Variants in DIS3L2 observed in about 807,000 individuals in gnomAD.
DIS3L2 encodes the protein DIS3-like exonuclease 2.
Under a neutral mutation model 97.5 loss-of-function variants are expected in DIS3L2, and 34 were observed. That is an observed-to-expected ratio of 0.35 (90% CI 0.27 to 0.46). The LOEUF (loss-of-function observed/expected upper bound fraction) is 0.46, where lower values mean the gene tolerates loss of function less well. Among genes scored for constraint, DIS3L2 ranks in the 20% least tolerant of loss-of-function variants. DIS3L2 has a pLI of 1.00. For missense variants in DIS3L2, 1,038 were observed against 1,146.0 expected (o/e 0.91, Z 1.36); for synonymous variants, 435 against 445.2 (o/e 0.98, Z 0.29).
At chr2:231,978,560 T>G (rs933779596) in intron 1 of DIS3L2, 2 of 152,246 alleles carry the variant, frequency 1.3e-5, no homozygotes, top group Non-Finnish European at 2.9e-5. Flanking sequence ...TTTATATGTT[T>G]CGGTCTTGTG....
At chr2:232,136,343 A>G in intron 7 of DIS3L2, 129 bp from the exon 8 acceptor site, 1 of 1,117,680 alleles carries the variant, frequency 8.9e-7, no homozygotes. Context: ...CATCACTGAG[A>G]GGCACTTATT....
intron 6 of DIS3L2, among the ~76,000 whole-genome samples, chr2:232,109,183 T>C (rs539059650): frequency 1.2e-4 from 18 of 152,176 alleles, no homozygotes; most frequent in Admixed American, 4.6e-4. Flanking sequence ...CGGTGGCTCA[T>C]GCCTGTAATC....
In DIS3L2 at chr2:232,329,789, TCCCATCCCA is replaced by T; in HGVS notation, c.1740-19_1740-11del. 2 of 368,588 alleles carry T rather than the reference TCCCATCCCA, an allele frequency of 5.4e-6. No homozygotes were observed. The highest frequency in any genetic ancestry group is 5.1e-6 in the Non-Finnish European group (1 of 196,966). 22.8% of individuals were successfully genotyped at this position (368,588 alleles called of 1,614,324 possible). A position where few individuals can be genotyped will look rare whatever the true frequency, so the allele number is the denominator to read the frequency against. ...CCTGTCCCCAAACCCCAGCGGTCCC[TCCCATCCCA>T]CCCACCCTCTGCAGGCTCGTGGAGG... On this transcript the variant is annotated splice_polypyrimidine_tract_variant and intron_variant, in intron 14 of 20. Coordinates refer to ENST00000325385, the MANE Select transcript of DIS3L2 (RefSeq NM_152383.5).
At chr2:232,326,358 G>A (rs3856545) in intron 14 of DIS3L2, among the ~76,000 whole-genome samples, 16,812 of 151,620 alleles carry the variant, frequency 0.11, 1,326 homozygotes, top group African/African-American at 0.23. Flanking sequence ...TTGCAATGGC[G>A]AATACTGAAC....
chr2:232,263,548 C>G (rs1693778718), intron 13 of DIS3L2, 108 bp downstream of exon 13: 3 of 1,049,976 alleles, frequency 2.9e-6, no homozygotes, highest in Non-Finnish European at 4.2e-6. Context: ...TCTCTTTGCT[C>G]CAGGCACCAC....
intron 6 of DIS3L2, among the ~76,000 whole-genome samples, chr2:232,108,760 A>G (rs376241629): frequency 1.3e-5 from 2 of 152,224 alleles, no homozygotes; most frequent in African/African-American, 2.4e-5. Flanking sequence ...CTTTACACCA[A>G]CAACAGGCAA....
intron 13 of DIS3L2, among the ~76,000 whole-genome samples, chr2:232,342,230 TATACAC>T (rs1378295466): frequency 4.8e-5 from 7 of 147,058 alleles, no homozygotes; most frequent in African/African-American, 1.3e-4. Flanking sequence ...CACATACATA[TATACAC>T]ATACACATAT....
chr2:231,984,219 C>T (rs191258299), intron 1 of DIS3L2, among the ~76,000 whole-genome samples: 1 of 151,854 alleles, frequency 6.6e-6, no homozygotes, highest in East Asian at 1.9e-4. Flanking sequence ...GGTGCTTTAT[C>T]ATTATTCATA....
chr2:231,982,087 T>C lies in DIS3L2; in HGVS notation c.-94+20322T>C, dbSNP rs112173128. ...TGGTGATAAATTTTGTCATATTCTT[T>C]TTTGGACATTTGTTAAGTTCACCTC... On this transcript the variant is annotated intron_variant, in intron 1 of 20. Transcript: ENST00000325385. Among the ~76,000 whole-genome samples the C allele has an allele frequency of 8.1e-4, 124 of 152,208 alleles. 1 individual carries two copies. The highest frequency in any genetic ancestry group is 1.5e-3 in the Non-Finnish European group (99 of 68,010).
intron 5 of DIS3L2, among the ~76,000 whole-genome samples, chr2:232,059,338 G>T (rs1695638234): frequency 6.6e-6 from 1 of 152,136 alleles, no homozygotes; most frequent in East Asian, 1.9e-4. Flanking sequence ...TTAGAAAATT[G>T]TTGGTTTTAA....
chr2:232,292,275 G>A lies in DIS3L2; in HGVS notation c.1660-7765G>A, dbSNP rs1694624202. Among the ~76,000 whole-genome samples the A allele has an allele frequency of 6.6e-6, 1 of 152,140 alleles. No homozygotes were observed. The highest frequency in any genetic ancestry group is 2.1e-4 in the South Asian group (1 of 4,826). On this transcript the variant is annotated intron_variant, in intron 13 of 20. Transcript: ENST00000325385. This position sits in a 1 kb window ranked among gnomAD's most constrained non-coding sequence, Gnocchi z 4.4. ...CCTAGGACATTGTTTCTGCCCCTAAGTTCTCCCTAAAGTGCCATCCCCAAG... is the reference window on the plus strand; with the variant it reads ...CCTAGGACATTGTTTCTGCCCCTAAATTCTCCCTAAAGTGCCATCCCCAAG...
chr2:232,163,527 A>G lies in DIS3L2; in HGVS notation c.1019A>G (p.Tyr340Cys), dbSNP rs200027186. ...GAAACAGAAGGAATACTAACAGAGT[A>G]TGGCGTGGATTTCTCTGATTTCTCT... is the stretch of plus-strand genomic sequence containing the variant. ...EPETEGILTE[Y>C]GVDFSDFSSE... Residue 340 changes from tyrosine (Y) to cysteine (C), a missense_variant, in exon 9 of 21, where the codon TAT (tyrosine) becomes TGT (cysteine). This residue lies in a region of DIS3L2 where 813 missense variants were observed against 880.1 expected (regional missense o/e 0.92). Transcript: ENST00000325385. The G allele has an allele frequency of 3.6e-4, 574 of 1,614,206 alleles. No homozygotes were observed. Among genetic ancestry groups the G allele is most frequent in the Non-Finnish European group, 4.4e-4 (522 of 1,180,026 alleles).
At chr2:232,334,088 C>T (rs1446485882) in intron 17 of DIS3L2, 101 bp downstream of exon 17, 7 of 1,489,716 alleles carry the variant, frequency 4.7e-6, no homozygotes, top group East Asian at 4.7e-5. Context: ...GCCGTGACAG[C>T]GGAGGTCCAA....
intron 13 of DIS3L2, among the ~76,000 whole-genome samples, chr2:232,289,069 G>C (rs757193003): frequency 2.6e-5 from 4 of 152,062 alleles, no homozygotes; most frequent in Admixed American, 6.6e-5. Context: ...TTGGTGGCGT[G>C]GGGGAGGGAG....
At chr2:232,227,871 A>C (rs1404049378) in intron 10 of DIS3L2, among the ~76,000 whole-genome samples, 2 of 152,220 alleles carry the variant, frequency 1.3e-5, no homozygotes, top group Non-Finnish European at 2.9e-5. Flanking sequence ...TAATACACAT[A>C]GTTGTTTTAT....
At chr2:232,000,676 C>A (rs1195489459) in intron 1 of DIS3L2, among the ~76,000 whole-genome samples, 1 of 42,286 alleles carries the variant, frequency 2.4e-5, no homozygotes, top group Non-Finnish European at 4.2e-5. Flanking sequence ...TTCTCTCTTT[C>A]TCTCTTTCTG....
rs759032228 is a variant in DIS3L2, at chr2:232,329,866, A to G, written c.1793A>G (p.His598Arg). 1.3e-5 allele frequency: 20 copies of G among 1,591,866 alleles called. No homozygotes were observed. Among genetic ancestry groups the G allele is most frequent in the Non-Finnish European group, 1.7e-5 (20 of 1,175,278 alleles). Residue 598 changes from histidine (H) to arginine (R), a missense_variant, in exon 15 of 21, where the codon CAC becomes CGC. His to Arg is a conservative substitution (Grantham distance 29). Coordinates refer to ENST00000325385, the MANE Select transcript of DIS3L2 (RefSeq NM_152383.5). ...AACATGGCAGTGGCCCACAAGATCCACCGCGCCTTCCCCGAGCAGGCCCTG... is the reference window on the plus strand; with the variant it reads ...AACATGGCAGTGGCCCACAAGATCCGCCGCGCCTTCCCCGAGCAGGCCCTG... ...LANMAVAHKI[H>R]RAFPEQALLR...
intron 1 of DIS3L2, among the ~76,000 whole-genome samples, chr2:231,988,163 C>T (rs1693474681): frequency 6.6e-6 from 1 of 152,158 alleles, no homozygotes; most frequent in Non-Finnish European, 1.5e-5. Context: ...AGATTGTTTT[C>T]TCTGCTGTCT....
intron 6 of DIS3L2, among the ~76,000 whole-genome samples, chr2:232,093,399 C>T (rs534045115): frequency 1.4e-3 from 213 of 151,996 alleles, no homozygotes; most frequent in African/African-American, 4.6e-3. Context: ...AATATTGCCC[C>T]TGTAGAATGA....
Sources: gnomAD v4.1 joint callset for allele counts (sites outside exome capture counted in the v4.1 genomes callset) on GRCh38, gnomAD v4.1.1 for gene constraint, gnomAD v4.1.1 regional missense constraint, Gnocchi (gnomAD v3.1) non-coding constraint, MANE v1.5 for transcripts, NCBI Gene and HGNC (gene_info 2026-07-23, HGNC 2026-07-21) for gene names.